PLA2G4C: variants seen among roughly 807,000 people sequenced by gnomAD.
The protein encoded by PLA2G4C is cytosolic phospholipase A2 gamma.
Under a neutral mutation model 73.8 loss-of-function variants are expected in PLA2G4C, and 64 were observed. The observed-to-expected ratio is 0.87, with a 90% confidence interval of 0.71 to 1.07. The LOEUF is 1.07. PLA2G4C is among the 50% of genes least tolerant of loss of function. PLA2G4C has a pLI of 0.00. For synonymous variants in PLA2G4C, 254 were observed against 252.1 expected, an observed-to-expected ratio of 1.01 and a Z score of -0.07; for missense variants, 622 against 665.4, an observed-to-expected ratio of 0.93 and a Z score of 0.72.
intron 1 of PLA2G4C, 42 bp downstream of exon 1, chr19:48,110,445 C>A (rs1333942324): frequency 1.4e-6 from 2 of 1,455,248 alleles, no homozygotes; most frequent in Non-Finnish European, 1.8e-6. Flanking sequence ...GTTATGGCCG[C>A]CCCAGCGGGA....
At chr19:48,063,105 C>A (rs568252232) in intron 13 of PLA2G4C, among the ~76,000 whole-genome samples, 1 of 151,966 alleles carries the variant, frequency 6.6e-6, no homozygotes, top group African/African-American at 2.4e-5. Context: ...AGTGCAGTGG[C>A]GCAATCTCCA....
Position 48,062,005 on chromosome 19 carries a change from G to A in PLA2G4C, c.1250C>T (p.Pro417Leu), listed in dbSNP as rs779849990. 6.2e-7 allele frequency: 1 copy of A among 1,613,860 alleles called. No homozygotes were observed. The highest frequency in any genetic ancestry group is 2.2e-5 in the East Asian group (1 of 44,846). ...ILSFDFSAGD[P>L]FETIRATTDY... ...AAAGCCCTTCTCGATTACCTCGAAA[G>A]GATCTCCGGCACTGAAGTCGAAGGA... The change falls in exon 14 of 17, where the codon CCT becomes CTT. Residue 417 changes from proline (P) to leucine (L), a missense_variant. Transcript: ENST00000599921.
At chr19:48,074,921 A>T in intron 11 of PLA2G4C, 47 bp from the exon 12 acceptor site, 1 of 1,235,590 alleles carries the variant, frequency 8.1e-7, no homozygotes, top group Non-Finnish European at 1.2e-6. Context: ...CAAGTACCCT[A>T]CCAAGAACAT....
chr19:48,069,008 C>T (rs1164908438), intron 12 of PLA2G4C, among the ~76,000 whole-genome samples: 7 of 141,242 alleles, frequency 5.0e-5, no homozygotes, highest in Non-Finnish European at 1.1e-4. Context: ...GTCAGGGGTT[C>T]GAGACCAGCC....
rs1491313107 is a variant in PLA2G4C, at chr19:48,101,126, A to ATATATATTTTTT, written c.258-1267_258-1266insAAAAAATATATA. Among the ~76,000 whole-genome samples the ATATATATTTTTT allele has an allele frequency of 3.0e-3, 221 of 74,080 alleles. 2 individuals carry two copies. Among genetic ancestry groups the ATATATATTTTTT allele is most frequent in the African/African-American group, 0.013 (205 of 15,536 alleles). 48.6% of individuals were successfully genotyped at this position (74,080 alleles called of 152,430 possible). On this transcript the variant is annotated intron_variant, in intron 4 of 16. Coordinates refer to ENST00000599921, the MANE Select transcript of PLA2G4C (RefSeq NM_003706.3). ...AGTCTATATATATATATATATATAT[A>ATATATATTTTTT]TTTTTTTTTTTTTTTTTGAGACAGG...
chr19:48,056,556 T>C (rs997830069), intron 14 of PLA2G4C, among the ~76,000 whole-genome samples: 2 of 147,394 alleles, frequency 1.4e-5, no homozygotes, highest in Non-Finnish European at 3.0e-5. Context: ...CTGGGCATGG[T>C]GGCTCATGGC....
At chr19:48,049,146 A>G (rs917003194) in intron 16 of PLA2G4C, among the ~76,000 whole-genome samples, 1 of 152,194 alleles carries the variant, frequency 6.6e-6, no homozygotes, top group African/African-American at 2.4e-5. Flanking sequence ...CATGAGCCAA[A>G]TAAACCTCTT....
intron 9 of PLA2G4C, among the ~76,000 whole-genome samples, chr19:48,085,956 T>C (rs1029643731): frequency 6.6e-6 from 1 of 152,138 alleles, no homozygotes; most frequent in African/African-American, 2.4e-5. Context: ...AGGGAAGCCA[T>C]TCCTTATTGT....
intron 6 of PLA2G4C, among the ~76,000 whole-genome samples, chr19:48,096,184 C>T (rs1333983316): frequency 6.6e-6 from 1 of 151,970 alleles, no homozygotes; most frequent in Non-Finnish European, 1.5e-5. Flanking sequence ...GGGGTGATTT[C>T]TAGGTCTGGG....
chr19:48,101,126 A>AT (rs544287174), intron 4 of PLA2G4C, among the ~76,000 whole-genome samples: 60 of 74,120 alleles, frequency 8.1e-4, no homozygotes, highest in Middle Eastern at 6.8e-3. Context: ...ATATATATAT[A>AT]TTTTTTTTTT....
Position 48,095,579 on chromosome 19 carries a change from G to C in PLA2G4C, c.594C>G (p.His198Gln). 2 of 1,614,116 alleles carry C rather than the reference G, an allele frequency of 1.2e-6. No homozygotes were observed. The highest frequency in any genetic ancestry group is 8.5e-7 in the Non-Finnish European group (1 of 1,179,994). ...APETWFEFTPHHAGFSALGAF... is the reference protein window; with the variant it reads ...APETWFEFTPQHAGFSALGAF... ...CCCCCAGTGCAGAGAAGCCAGCGTG[G>C]TGAGGGGTGAACTCGAACCAGGTCT... Residue 198 changes from histidine (H) to glutamine (Q), a missense_variant, in exon 7 of 17, where the codon CAC becomes CAG. Coordinates refer to ENST00000599921, the MANE Select transcript of PLA2G4C (RefSeq NM_003706.3).
At chr19:48,063,826 G>A (rs1385219096) in intron 13 of PLA2G4C, 3 of 151,622 alleles carry the variant, frequency 2.0e-5, no homozygotes, top group East Asian at 3.9e-4. Flanking sequence ...TATTCTCTCT[G>A]AAGCTTGCTA....
chr19:48,071,017 T>TAGATAGATAG (rs1455893729), intron 12 of PLA2G4C, among the ~76,000 whole-genome samples: 1 of 150,600 alleles, frequency 6.6e-6, no homozygotes, highest in African/African-American at 2.5e-5. Flanking sequence ...TATCTCTAGT[T>TAGATAGATAG]AGATAGATAG....
At chr19:48,093,699 T>G (rs2031426286) in intron 7 of PLA2G4C, among the ~76,000 whole-genome samples, 1 of 152,126 alleles carries the variant, frequency 6.6e-6, no homozygotes, top group Non-Finnish European at 1.5e-5. Context: ...AAGACAAACT[T>G]GGTCCTGGCT....
intron 14 of PLA2G4C, among the ~76,000 whole-genome samples, chr19:48,056,110 A>G (rs1436827593): frequency 6.6e-6 from 1 of 152,176 alleles, no homozygotes; most frequent in East Asian, 1.9e-4. Flanking sequence ...TGCTGTCCTG[A>G]ACCAGAGCAA....
chr19:48,067,449 T>G (rs1394837188), intron 13 of PLA2G4C, among the ~76,000 whole-genome samples: 1 of 152,174 alleles, frequency 6.6e-6, no homozygotes, highest in East Asian at 1.9e-4. Context: ...ATTACAGGCA[T>G]GAGCCACTGC....
intron 13 of PLA2G4C, among the ~76,000 whole-genome samples, chr19:48,067,290 C>A (rs570939814): frequency 1.8e-4 from 28 of 152,032 alleles, no homozygotes; most frequent in African/African-American, 6.5e-4. Flanking sequence ...GCCTCAGCCT[C>A]CTGAGTAGCT....
intron 5 of PLA2G4C, 74 bp from the exon 6 acceptor site, chr19:48,098,333 C>A: frequency 7.2e-7 from 1 of 1,396,502 alleles, no homozygotes; most frequent in Non-Finnish European, 9.4e-7. Flanking sequence ...GCACGTAGGC[C>A]ACATTTTTTT....
chr19:48,063,955 T>C (rs1276492915), intron 13 of PLA2G4C: 1 of 151,926 alleles, frequency 6.6e-6, no homozygotes, highest in Non-Finnish European at 1.5e-5. Flanking sequence ...AAAGCAAGTC[T>C]GTTAAGAAAG....
Sources: gnomAD v4.1 joint callset for allele counts (sites outside exome capture counted in the v4.1 genomes callset) on GRCh38, gnomAD v4.1.1 for gene constraint, MANE v1.5 for transcripts, NCBI Gene and HGNC (gene_info 2026-07-23, HGNC 2026-07-21) for gene names.